Variants in UPF2 observed in about 807,000 individuals in gnomAD.
UPF2 encodes regulator of nonsense transcripts 2.
In UPF2, 17 loss-of-function variants were observed where a neutral mutation model predicts 141.4. That is an observed-to-expected ratio of 0.12 (90% CI 0.08 to 0.18). The LOEUF (loss-of-function observed/expected upper bound fraction) is 0.18. Among genes scored for constraint, UPF2 ranks in the 10% least tolerant of loss-of-function variants. UPF2 has a pLI of 1.00. For missense variants in UPF2, 1,152 were observed against 1,515.9 expected (o/e 0.76, Z 3.99); for synonymous variants, 540 against 498.0 (o/e 1.08, Z -1.12).
intron 9 of UPF2, among the ~76,000 whole-genome samples, chr10:11,968,043 G>C (rs918949840): frequency 2.0e-5 from 3 of 152,148 alleles, no homozygotes; most frequent in African/African-American, 7.2e-5. Flanking sequence ...GCCAGGCGTA[G>C]TGGCAGGCGC....
chr10:12,018,669 C>T (rs371770742), intron 3 of UPF2, among the ~76,000 whole-genome samples: 2 of 152,006 alleles, frequency 1.3e-5, no homozygotes. Flanking sequence ...GGAGGATCAC[C>T]TGAACCCAGG....
chr10:11,955,364 A>G lies in UPF2; in HGVS notation c.2718T>C (p.Ser906=), dbSNP rs1472233233. The part of the protein sequence containing the change: ...FTSFGVNPDG[S]PSSLDPPEHL... ...GCTCAGGTGGGTCCAGGGAACTTGGAGAGCCATCAGGATTAACACCAAATG... is the reference window on the plus strand; with the variant it reads ...GCTCAGGTGGGTCCAGGGAACTTGGGGAGCCATCAGGATTAACACCAAATG... The change falls in exon 14 of 22, where the codon TCT becomes TCC. Residue 906 remains serine (S), a synonymous_variant. Coordinates refer to ENST00000357604, the MANE Select transcript of UPF2 (RefSeq NM_015542.4). 6.2e-7 allele frequency: 1 copy of G among 1,614,206 alleles called. No homozygotes were observed.
At chr10:11,981,386 A>T (rs562049098) in intron 8 of UPF2, among the ~76,000 whole-genome samples, 13 of 152,324 alleles carry the variant, frequency 8.5e-5, no homozygotes, top group African/African-American at 3.1e-4. Context: ...TATAAGGTGG[A>T]TATTACACTC....
intron 3 of UPF2, among the ~76,000 whole-genome samples, chr10:12,020,004 C>G (rs1232624457): frequency 6.6e-6 from 1 of 152,070 alleles, no homozygotes; most frequent in African/African-American, 2.4e-5. Flanking sequence ...GGATTACAGG[C>G]ATGAGCCACC....
At chr10:11,952,292 A>G (rs1274849841) in intron 14 of UPF2, 43 bp from the exon 15 acceptor site, 9 of 1,491,530 alleles carry the variant, frequency 6.0e-6, no homozygotes, top group African/African-American at 1.4e-5. Flanking sequence ...AGAAATTAGT[A>G]ACAAAATATT....
intron 18 of UPF2, among the ~76,000 whole-genome samples, chr10:11,938,132 T>C (rs1182109598): frequency 6.6e-6 from 1 of 152,192 alleles, no homozygotes; most frequent in Non-Finnish European, 1.5e-5. Context: ...TTTTCTTGCA[T>C]ATACTAATAA....
intron 16 of UPF2, 86 bp from the exon 17 acceptor site, chr10:11,943,254 G>A (rs1169425704): frequency 1.7e-6 from 2 of 1,147,146 alleles, no homozygotes; most frequent in Middle Eastern, 2.0e-4. Context: ...CAAAACTTCT[G>A]TATAATTGTT....
In UPF2 at chr10:12,004,737, A is replaced by G; in HGVS notation, c.1307-10T>C. 6.2e-7 allele frequency: 1 copy of G among 1,606,698 alleles called. No homozygotes were observed. The highest frequency in any genetic ancestry group is 8.5e-7 in the Non-Finnish European group (1 of 1,177,422). ...ATTCCAGGCCCATGTTCTACAATAAAATAAATCACAAGTAATTAACATAAC... is the reference window on the plus strand; with the variant it reads ...ATTCCAGGCCCATGTTCTACAATAAGATAAATCACAAGTAATTAACATAAC... On this transcript the variant is annotated splice_polypyrimidine_tract_variant and intron_variant, in intron 4 of 21. Coordinates refer to ENST00000357604, the MANE Select transcript of UPF2 (RefSeq NM_015542.4).
At chr10:12,017,168 T>C (rs1442616130) in intron 3 of UPF2, among the ~76,000 whole-genome samples, 1 of 152,074 alleles carries the variant, frequency 6.6e-6, no homozygotes, top group Non-Finnish European at 1.5e-5. Flanking sequence ...ATTAAAGGGA[T>C]AATACTGGTT....
intron 19 of UPF2, among the ~76,000 whole-genome samples, chr10:11,933,875 CTCTT>C (rs1832811305): frequency 6.6e-6 from 1 of 152,212 alleles, no homozygotes; most frequent in South Asian, 2.1e-4. Context: ...TTCCTAAACT[CTCTT>C]TTAGTTAACA....
intron 9 of UPF2, among the ~76,000 whole-genome samples, chr10:11,978,237 C>T (rs1309401534): frequency 2.6e-4 from 39 of 152,318 alleles, no homozygotes; most frequent in Non-Finnish European, 1.6e-4. Flanking sequence ...AAAGCGTGTG[C>T]GGACATTTCC....
At chr10:11,948,347 T>C (rs1252170589) in intron 16 of UPF2, 22 bp downstream of exon 16, 1 of 1,558,858 alleles carries the variant, frequency 6.4e-7, no homozygotes. Context: ...TACTCTATGT[T>C]GCTACATATA....
In UPF2 at chr10:11,920,982, C is replaced by T. The variant is rs760987846; in HGVS notation, c.*316G>A. On this transcript the variant is annotated 3_prime_UTR_variant, in exon 22 of 22. Coordinates refer to ENST00000357604, the MANE Select transcript of UPF2 (RefSeq NM_015542.4). ...TTCTCTGGCTCAATCATCTCCTTCACGCTCTCCTTGGTGTAACTGCTCAGT... is the reference window on the plus strand; with the variant it reads ...TTCTCTGGCTCAATCATCTCCTTCATGCTCTCCTTGGTGTAACTGCTCAGT... 1.8e-5 allele frequency: 11 copies of T among 608,520 alleles called. No homozygotes were observed. Among genetic ancestry groups the T allele is most frequent in the Admixed American group, 7.5e-5 (4 of 53,424 alleles). The allele number at this position is 608,520 out of a possible 1,614,324, so 37.7% of individuals were successfully genotyped here.
intron 18 of UPF2, among the ~76,000 whole-genome samples, chr10:11,942,434 T>C (rs1832948166): frequency 6.6e-6 from 1 of 152,192 alleles, no homozygotes; most frequent in African/African-American, 2.4e-5. Flanking sequence ...AATGAAATTA[T>C]TCTGTTCCAA....
In UPF2 at chr10:12,039,639, T is replaced by TAAAAAGA. The variant is rs1834699613; in HGVS notation, c.-19+3115_-19+3116insTCTTTTT. Among the ~76,000 whole-genome samples, 3 of 150,838 alleles carry TAAAAAGA rather than the reference T, an allele frequency of 2.0e-5. No individual in the cohort carries two copies. In the South Asian group the frequency reaches 6.3e-4, roughly 32 times the overall value. Reference sequence around the variant, plus strand: ...CTCTCTCTCTTTTTTTTTTTTTTTTTGAGATGGAGTCTCACTCTGTCGCCA... The same window carrying TAAAAAGA: ...CTCTCTCTCTTTTTTTTTTTTTTTTTAAAAAGAGAGATGGAGTCTCACTCTGTCGCCA... On this transcript the variant is annotated intron_variant, in intron 1 of 21. Transcript: ENST00000357604.
rs1832643135 is a variant in UPF2 at position 11,921,420 on chromosome 10, G to T, written c.3810-113C>A. ...ACCAAGTCACTCCCCCAAGTTACAG[G>T]TGGCCCTGGCATCTGCGGGTTCCAC... On this transcript the variant is annotated intron_variant, in intron 21 of 21. Coordinates refer to ENST00000357604, the MANE Select transcript of UPF2 (RefSeq NM_015542.4). This position sits in a 1 kb window ranked among gnomAD's most constrained non-coding sequence, Gnocchi z 5.9. 7.3e-7 allele frequency: 1 copy of T among 1,378,026 alleles called. No individual in the cohort carries two copies. The highest frequency in any genetic ancestry group is 1.0e-6 in the Non-Finnish European group (1 of 977,278). The allele number at this position is 1,378,026 out of a possible 1,614,324, so 85.4% of individuals were successfully genotyped here. A position where few individuals can be genotyped will look rare whatever the true frequency, so the allele number is the denominator to read the frequency against.
At position 11,931,879 on chromosome 10, in the gene UPF2, G is replaced by A. The variant is rs546979212; in HGVS notation, c.3547-97C>T. ...AAAATAGCAAGTACAGGCTGGGCAC[G>A]GTGGCTCACGCCTGTAATCCCAGCA... On this transcript the variant is annotated intron_variant, in intron 19 of 21. Transcript: ENST00000357604. This position sits in a 1 kb window ranked among gnomAD's most constrained non-coding sequence, Gnocchi z 5.9. 4.1e-5 allele frequency: 56 copies of A among 1,361,262 alleles called. No individual in the cohort carries two copies. Among genetic ancestry groups the A allele is most frequent in the Admixed American group, 1.2e-4 (5 of 40,744 alleles). The allele number at this position is 1,361,262 out of a possible 1,614,324, so 84.3% of individuals were successfully genotyped here.
At chr10:11,949,619 A>T (rs371901159) in intron 15 of UPF2, among the ~76,000 whole-genome samples, 1 of 152,220 alleles carries the variant, frequency 6.6e-6, no homozygotes, top group Non-Finnish European at 1.5e-5. Flanking sequence ...CCATATATTA[A>T]TAAATACACA....
chr10:12,034,566 G>GT (rs1834588135), intron 2 of UPF2, among the ~76,000 whole-genome samples: 1 of 151,988 alleles, frequency 6.6e-6, no homozygotes, highest in Non-Finnish European at 1.5e-5. Context: ...GCACTTTGGG[G>GT]AGGCTGAGGC....
Sources: gnomAD v4.1 joint callset for allele counts (sites outside exome capture counted in the v4.1 genomes callset) on GRCh38, gnomAD v4.1.1 for gene constraint, Gnocchi (gnomAD v3.1) non-coding constraint, MANE v1.5 for transcripts, NCBI Gene and HGNC (gene_info 2026-07-23, HGNC 2026-07-21) for gene names.